MRAP: variants seen among roughly 807,000 people sequenced by gnomAD.
The protein encoded by MRAP is melanocortin 2 receptor accessory protein.
MRAP carries 8 observed loss-of-function variants against 8.7 expected under a neutral mutation model. That is an observed-to-expected ratio of 0.92 (90% confidence interval 0.54 to 1.66). The LOEUF is 1.66. Among genes scored for constraint, MRAP ranks in the 40% most tolerant of loss-of-function variants. The probability of loss-of-function intolerance (pLI) is 0.00; values close to 1 mark genes in which losing one functional copy is unlikely to be tolerated. For missense variants in MRAP, 237 were observed against 217.1 expected, an observed-to-expected ratio of 1.09 and a Z score of -0.58; for synonymous variants, 95 against 95.5, an observed-to-expected ratio of 1.00 and a Z score of 0.03.
intron 1 of MRAP, 56 bp from the exon 2 acceptor site, chr21:32,306,584 A>G: frequency 6.9e-7 from 1 of 1,451,118 alleles, no homozygotes. Context: ...ACTGCCCCTC[A>G]GCGTTGCTTT....
At chr21:32,298,795 CT>C (rs2032190074), upstream of MRAP, 1 of 610,050 alleles carries the variant, frequency 1.6e-6, no homozygotes, top group East Asian at 3.0e-5. Flanking sequence ...ACACACCCCC[CT>C]GACCTTTCTT....
At chr21:32,298,843 G>A (rs549062156), upstream of MRAP, 304 of 718,390 alleles carry the variant, frequency 4.2e-4, 1 homozygote, top group African/African-American at 4.8e-3. Flanking sequence ...CAGACCTTGA[G>A]CCTAGAGACC....
chr21:32,295,867 T>G (rs2032130545), upstream of MRAP, among the ~76,000 whole-genome samples: 1 of 152,020 alleles, frequency 6.6e-6, no homozygotes, highest in Non-Finnish European at 1.5e-5. Flanking sequence ...TCTCAACTAC[T>G]TGGGAGGCTG....
chr21:32,312,720 G>A (rs762325275), downstream of MRAP: 5 of 154,006 alleles, frequency 3.2e-5, no homozygotes, highest in Non-Finnish European at 7.2e-5. Flanking sequence ...GTCCTCTAGT[G>A]CCCAGCAGCC....
At chr21:32,294,046 A>G (rs183295179), upstream of MRAP, among the ~76,000 whole-genome samples, 1 of 152,280 alleles carries the variant, frequency 6.6e-6, no homozygotes, top group African/African-American at 2.4e-5. Flanking sequence ...ATTATGCTCA[A>G]CTGGAAAATG....
upstream of MRAP, among the ~76,000 whole-genome samples, chr21:32,297,893 C>T (rs2123494106): frequency 6.6e-6 from 1 of 152,220 alleles, no homozygotes; most frequent in East Asian, 1.9e-4. Context: ...GCGTGGCAGG[C>T]CTCAGCAAAA....
upstream of MRAP, among the ~76,000 whole-genome samples, chr21:32,295,295 C>T (rs535814999): frequency 3.9e-5 from 6 of 152,256 alleles, no homozygotes; most frequent in East Asian, 1.2e-3. Flanking sequence ...ACAACTGGGC[C>T]TTTTGTCTTT....
rs1241025299 is a variant in MRAP at position 32,298,875 on chromosome 21, C to T, written c.-97C>T. ...GACCCACAGACACACTTGGACGATT[C>T]CTGCAGAAATCAGTGAGGCAGTCTC... On this transcript the variant is annotated 5_prime_UTR_variant, in exon 1 of 3. Transcript: ENST00000303645. 3 of 835,828 alleles carry T rather than the reference C, an allele frequency of 3.6e-6. No homozygotes were observed. Among genetic ancestry groups the T allele is most frequent in the Non-Finnish European group, 6.1e-6 (3 of 489,672 alleles). 51.8% of individuals were successfully genotyped at this position (835,828 alleles called of 1,614,324 possible). A position where few individuals can be genotyped will look rare whatever the true frequency, so the allele number is the denominator to read the frequency against.
downstream of MRAP, chr21:32,312,984 C>G (rs2032615707): frequency 6.6e-6 from 1 of 152,188 alleles, no homozygotes; most frequent in African/African-American, 2.4e-5. Flanking sequence ...AAGGTCAGGG[C>G]AGTGGATTTA....
rs112041620 is a variant in MRAP, at chr21:32,306,453, T to C, written c.107-187T>C. 2,175 of 657,768 alleles carry C rather than the reference T, an allele frequency of 3.3e-3. 24 individuals are homozygous for C. Among genetic ancestry groups the C allele is most frequent in the African/African-American group, 0.03 (1,671 of 56,346 alleles). The allele number at this position is 657,768 out of a possible 1,614,324, so 40.7% of individuals were successfully genotyped here. A position where few individuals can be genotyped will look rare whatever the true frequency, so the allele number is the denominator to read the frequency against. On this transcript the variant is annotated intron_variant, in intron 1 of 2. Transcript: ENST00000303645. ...CTGCCCTGAGGAAAAAGACACTTCT[T>C]GGCTCCCCTGTTCTTTCCCAAAGTT... is the stretch of plus-strand genomic sequence containing the variant.
At chr21:32,313,842 C>A (rs188316013), downstream of MRAP, 1 of 152,278 alleles carries the variant, frequency 6.6e-6, no homozygotes, top group East Asian at 1.9e-4. Context: ...TCAGCTACAA[C>A]CCCAACTAAT....
chr21:32,301,485 C>A (rs1401671411), intron 1 of MRAP, among the ~76,000 whole-genome samples: 1 of 152,212 alleles, frequency 6.6e-6, no homozygotes, highest in East Asian at 1.9e-4. Context: ...GAGGTCTCCC[C>A]AGAAGCAGAA....
At chr21:32,300,968 GAT>G (rs2032280276) in intron 1 of MRAP, among the ~76,000 whole-genome samples, 1 of 143,934 alleles carries the variant, frequency 6.9e-6, no homozygotes, top group African/African-American at 2.8e-5. Context: ...TGATTTCAAA[GAT>G]GTATCATATT....
chr21:32,297,364 TATA>T (rs140059358), upstream of MRAP, among the ~76,000 whole-genome samples: 637 of 152,296 alleles, frequency 4.2e-3, 6 homozygotes, highest in African/African-American at 0.015. Flanking sequence ...CATAATGGAA[TATA>T]ATAATCATCT....
intron 1 of MRAP, among the ~76,000 whole-genome samples, chr21:32,300,633 GTCACA>G (rs2032247448): frequency 7.4e-6 from 1 of 135,874 alleles, no homozygotes; most frequent in African/African-American, 2.9e-5. Context: ...TGTCAGATGC[GTCACA>G]CGTCCTATGC....
rs772049756 is a variant in MRAP at position 32,311,713 on chromosome 21, C to T, written c.236C>T (p.Pro79Leu). ...RNSPKHHQTC[P>L]WSHGLNLHLC... ...AGCCCCAAGCACCACCAAACATGCC[C>T]CTGGAGTCACGGCCTCAACCTCCAC... Residue 79 changes from proline to leucine, a missense_variant, in exon 3 of 3, where the codon CCC (proline) becomes CTC (leucine). By Grantham distance (98) the Pro-to-Leu change is moderately conservative. Coordinates refer to ENST00000303645, the MANE Select transcript of MRAP (RefSeq NM_001379228.1). 1 of 1,614,052 alleles carries T rather than the reference C, an allele frequency of 6.2e-7. No individual in the cohort carries two copies. The highest frequency in any genetic ancestry group is 1.1e-5 in the South Asian group (1 of 91,046).
downstream of MRAP, chr21:32,314,416 C>T: frequency 1.4e-6 from 1 of 740,362 alleles, no homozygotes; most frequent in Non-Finnish European, 2.4e-6. Flanking sequence ...AACTCCTGAC[C>T]TCAGGTGATT....
At chr21:32,307,877 A>C (rs2032458155) in intron 2 of MRAP, among the ~76,000 whole-genome samples, 1 of 152,128 alleles carries the variant, frequency 6.6e-6, no homozygotes, top group Non-Finnish European at 1.5e-5. Context: ...CTGTCTCAAC[A>C]AACAAACAAA....
intron 1 of MRAP, among the ~76,000 whole-genome samples, chr21:32,304,821 T>TG (rs751354323): frequency 3.9e-5 from 6 of 152,100 alleles, no homozygotes; most frequent in African/African-American, 7.2e-5. Context: ...AGAGCCAGCC[T>TG]GGGGGTCTTT....
Sources: allele counts gnomAD v4.1 joint callset (sites outside exome capture counted in the v4.1 genomes callset), GRCh38; gene constraint gnomAD v4.1.1; transcripts MANE v1.5; gene names NCBI Gene and HGNC (gene_info 2026-07-23, HGNC 2026-07-21).